Variants in MAGI2 observed in about 807,000 individuals in gnomAD.
MAGI2 encodes membrane-associated guanylate kinase, WW and PDZ domain-containing protein 2.
In MAGI2, 35 loss-of-function variants were observed where a neutral mutation model predicts 133.3. The observed-to-expected ratio is 0.26, with a 90% confidence interval of 0.20 to 0.35. MAGI2 has a LOEUF of 0.35. Among genes scored for constraint, MAGI2 ranks in the 10% least tolerant of loss-of-function variants. The pLI is 1.00. For synonymous variants in MAGI2, 729 were observed against 710.6 expected, an observed-to-expected ratio of 1.03 and a Z score of -0.41; for missense variants, 1,636 against 1,863.4, an observed-to-expected ratio of 0.88 and a Z score of 2.25.
intron 1 of MAGI2, among the ~76,000 whole-genome samples, chr7:79,443,454 A>G (rs1249846344): frequency 2.0e-5 from 3 of 152,134 alleles, no homozygotes; most frequent in African/African-American, 7.2e-5. Context: ...AAAAAGCAAC[A>G]TTGGACAATT....
intron 1 of MAGI2, among the ~76,000 whole-genome samples, chr7:79,279,068 C>T (rs189393107): frequency 2.0e-5 from 3 of 152,204 alleles, no homozygotes; most frequent in African/African-American, 4.8e-5. Flanking sequence ...GCTTGCTGCT[C>T]AATCTAAAGG....
intron 1 of MAGI2, among the ~76,000 whole-genome samples, chr7:79,219,030 T>C (rs368439557): frequency 3.9e-5 from 6 of 152,066 alleles, no homozygotes; most frequent in African/African-American, 1.5e-4. Flanking sequence ...TTGCCTTGTA[T>C]TTGCATGCAA....
At chr7:78,135,322 G>T in intron 16 of MAGI2, 116 bp from the exon 17 acceptor site, 2 of 875,630 alleles carry the variant, frequency 2.3e-6, no homozygotes, top group Non-Finnish European at 3.5e-6. Flanking sequence ...CAGTGTATTT[G>T]CCTTTTGAAA....
rs1829217683 is a variant in MAGI2 at position 78,201,164 on chromosome 7, G to A, written c.2077C>T (p.Pro693Ser). The change falls in exon 11 of 22, where the codon CCT becomes TCT. Residue 693 changes from proline to serine, a missense_variant and splice_region_variant. By Grantham distance (74) the Pro-to-Ser change is moderately conservative. This residue lies in a region of MAGI2 where 920 missense variants were observed against 1,093.5 expected (regional missense o/e 0.84). Coordinates refer to ENST00000354212, the MANE Select transcript of MAGI2 (RefSeq NM_012301.4). ...GAAGCATAATAATTCCAACTTACAG[G>A]CTTTGGAGTTTTCCATGGAGAAAAG... is the stretch of plus-strand genomic sequence containing the variant. ...GFFSPWKTPK[P>S]IMDRWENQGS... is the part of the protein sequence containing the mutation. 1 of 1,482,954 alleles carries A rather than the reference G, an allele frequency of 6.7e-7. No individual in the cohort carries two copies. The highest frequency in any genetic ancestry group is 1.4e-5 in the South Asian group (1 of 73,626). 91.9% of individuals were successfully genotyped at this position (1,482,954 alleles called of 1,614,324 possible). A position where few individuals can be genotyped will look rare whatever the true frequency, so the allele number is the denominator to read the frequency against.
At chr7:78,088,554 A>C (rs1043080769) in intron 20 of MAGI2, among the ~76,000 whole-genome samples, 1 of 152,228 alleles carries the variant, frequency 6.6e-6, no homozygotes, top group African/African-American at 2.4e-5. Flanking sequence ...GAGGCAATGA[A>C]GGATAAATAT....
At chr7:78,555,375 A>G (rs532076080) in intron 3 of MAGI2, among the ~76,000 whole-genome samples, 1 of 152,120 alleles carries the variant, frequency 6.6e-6, no homozygotes, top group Non-Finnish European at 1.5e-5. Context: ...GCCCAAGTAC[A>G]TATCAAATTT....
At chr7:78,609,515 G>T (rs1806207801) in intron 3 of MAGI2, among the ~76,000 whole-genome samples, 1 of 152,176 alleles carries the variant, frequency 6.6e-6, no homozygotes, top group Non-Finnish European at 1.5e-5. Flanking sequence ...TATTTTCTTA[G>T]TATGAGTGCC....
intron 2 of MAGI2, among the ~76,000 whole-genome samples, chr7:78,718,623 A>G (rs536257918): frequency 6.6e-6 from 1 of 151,844 alleles, no homozygotes; most frequent in East Asian, 1.9e-4. Flanking sequence ...AGATGGGACC[A>G]TCTAGTTGCA....
intron 2 of MAGI2, among the ~76,000 whole-genome samples, chr7:78,658,784 G>C (rs577834164): frequency 1.3e-5 from 2 of 152,200 alleles, no homozygotes; most frequent in Admixed American, 1.3e-4. Flanking sequence ...CACCTATCAC[G>C]ACAGCTAAAA....
chr7:79,291,756 T>G (rs2129558805), intron 1 of MAGI2, among the ~76,000 whole-genome samples: 1 of 152,322 alleles, frequency 6.6e-6, no homozygotes, highest in East Asian at 1.9e-4. Context: ...TTTTAAAAAC[T>G]GAGTCATTTG....
intron 2 of MAGI2, among the ~76,000 whole-genome samples, chr7:78,668,156 T>C (rs553512878): frequency 2.6e-5 from 4 of 152,312 alleles, no homozygotes; most frequent in East Asian, 3.9e-4. Context: ...ATGGTGAGCA[T>C]TTTTTCACGT....
At chr7:79,450,030 C>A (rs1394123751) in intron 1 of MAGI2, among the ~76,000 whole-genome samples, 1 of 151,250 alleles carries the variant, frequency 6.6e-6, no homozygotes, top group African/African-American at 2.4e-5. Flanking sequence ...GCAATTTTAC[C>A]TGGTGCACTT....
At chr7:78,876,492 T>C (rs1333113784) in intron 2 of MAGI2, among the ~76,000 whole-genome samples, 2 of 152,076 alleles carry the variant, frequency 1.3e-5, no homozygotes, top group Non-Finnish European at 2.9e-5. Flanking sequence ...CACATTAACT[T>C]ACAGATTCAA....
intron 1 of MAGI2, among the ~76,000 whole-genome samples, chr7:79,078,489 A>T (rs374755079): frequency 1.3e-5 from 2 of 152,218 alleles, no homozygotes; most frequent in African/African-American, 4.8e-5. Context: ...GGCACTGCTA[A>T]AATCCATTCT....
intron 2 of MAGI2, among the ~76,000 whole-genome samples, chr7:78,873,436 C>G (rs190271649): frequency 6.6e-6 from 1 of 151,954 alleles, no homozygotes; most frequent in African/African-American, 2.4e-5. Flanking sequence ...CTCATAGTAG[C>G]GTGAACCCTG....
At chr7:78,488,261 G>A (rs940272404) in intron 6 of MAGI2, among the ~76,000 whole-genome samples, 6 of 151,984 alleles carry the variant, frequency 3.9e-5, no homozygotes, top group African/African-American at 9.7e-5. Context: ...AGTCTGATAA[G>A]CAGAGATGTG....
intron 6 of MAGI2, among the ~76,000 whole-genome samples, chr7:78,382,210 C>T (rs752467440): frequency 1.3e-5 from 2 of 151,408 alleles, no homozygotes; most frequent in Non-Finnish European, 2.9e-5. Flanking sequence ...TAAAAAAACA[C>T]AGGAAGAAGA....
chr7:79,057,090 C>A (rs558722509), intron 1 of MAGI2, among the ~76,000 whole-genome samples: 2 of 152,252 alleles, frequency 1.3e-5, no homozygotes, highest in East Asian at 1.9e-4. Context: ...TGAAAACATT[C>A]TTTTTCAAGC....
At chr7:78,098,870 A>G (rs994669378) in intron 20 of MAGI2, among the ~76,000 whole-genome samples, 1 of 152,154 alleles carries the variant, frequency 6.6e-6, no homozygotes, top group South Asian at 2.1e-4. Context: ...TCAGATATTT[A>G]TTAGCCATTT....
Sources: allele counts gnomAD v4.1 joint callset (sites outside exome capture counted in the v4.1 genomes callset), GRCh38; gene constraint gnomAD v4.1.1; regional missense constraint gnomAD v4.1.1; transcripts MANE v1.5; gene names NCBI Gene and HGNC (gene_info 2026-07-23, HGNC 2026-07-21).